Variants in DOP1B observed in about 807,000 individuals in gnomAD.
DOP1B encodes the protein protein DOP1B.
Under a neutral mutation model 233.5 loss-of-function variants are expected in DOP1B, and 174 were observed. The ratio of observed to expected loss-of-function variants is 0.75; its 90% CI spans 0.66 to 0.85. DOP1B has a LOEUF of 0.85. Ranked by LOEUF, DOP1B falls within the 40% of genes least tolerant of loss-of-function variation. The pLI is 0.00. For synonymous variants in DOP1B, 1,190 were observed against 1,185.6 expected (o/e 1.00, Z -0.08); for missense variants, 2,652 against 2,846.6 (o/e 0.93, Z 1.56).
Position 36,277,975 on chromosome 21 carries a change from G to A in DOP1B, c.5713G>A (p.Val1905Ile), listed in dbSNP as rs755009447. The change falls in exon 29 of 37, where the codon GTA (valine) becomes ATA (isoleucine). Residue 1905 changes from valine to isoleucine, a missense_variant and splice_region_variant. Val to Ile is a conservative substitution (Grantham distance 29). Transcript: ENST00000691173. ...SVQALSLLAEVLASLLDMVYR... is the reference protein window; with the variant it reads ...SVQALSLLAEILASLLDMVYR... ...TTTTCTTAGGGCCTTGTTCTTTTAG[G>A]TACTGGCTTCCCTCCTGGACATGGT... is the stretch of plus-strand genomic sequence containing the variant. 1.2e-6 allele frequency: 2 copies of A among 1,613,510 alleles called. No homozygotes were observed. Among genetic ancestry groups the A allele is most frequent in the South Asian group, 1.1e-5 (1 of 91,066 alleles).
chr21:36,227,912 G>A (rs760594178), intron 13 of DOP1B, 35 bp downstream of exon 13: 4 of 1,512,762 alleles, frequency 2.6e-6, no homozygotes, highest in East Asian at 4.6e-5. Context: ...GGTTCTGGGG[G>A]CTAAAAGCAG....
chr21:36,206,728 G>A (rs34991163), intron 4 of DOP1B, among the ~76,000 whole-genome samples: 5,874 of 152,188 alleles, frequency 0.039, 133 homozygotes, highest in South Asian at 0.07. Flanking sequence ...GTGACACCAC[G>A]ATGTGTGCAT....
intron 36 of DOP1B, among the ~76,000 whole-genome samples, chr21:36,292,954 C>G (rs1350619929): frequency 6.6e-6 from 1 of 151,968 alleles, no homozygotes; most frequent in Non-Finnish European, 1.5e-5. Context: ...GGCTGGTAAT[C>G]CCAGCATTTT....
intron 11 of DOP1B, among the ~76,000 whole-genome samples, chr21:36,224,800 C>T (rs576203189): frequency 2.0e-5 from 3 of 151,690 alleles, no homozygotes; most frequent in Non-Finnish European, 2.9e-5. Flanking sequence ...TGGGGTTACA[C>T]TTCTCTACAG....
rs141565237 is a variant in DOP1B, at chr21:36,214,207, G to A, written c.1014+17G>A. ...TTAGTTGAGGTAAAGGAGCATTTCCGGAAAGTTCAGGGTATCCTTGGTGAC... is the reference window on the plus strand; with the variant it reads ...TTAGTTGAGGTAAAGGAGCATTTCCAGAAAGTTCAGGGTATCCTTGGTGAC... On this transcript the variant is annotated intron_variant, in intron 8 of 36. Coordinates refer to ENST00000691173, the MANE Select transcript of DOP1B (RefSeq NM_001320714.2). 4.4e-4 allele frequency: 698 copies of A among 1,589,172 alleles called. 4 individuals are homozygous for A. The African/African-American group carries it at 5.6e-3, about 13-fold the overall frequency.
chr21:36,287,880 TG>T, intron 32 of DOP1B, 133 bp from the exon 33 acceptor site: 1 of 1,149,452 alleles, frequency 8.7e-7, no homozygotes, highest in Non-Finnish European at 1.2e-6. Flanking sequence ...CCACCAAGCC[TG>T]GCCTGTAACA....
At chr21:36,240,810 A>G (rs1472511332) in intron 18 of DOP1B, among the ~76,000 whole-genome samples, 1 of 152,212 alleles carries the variant, frequency 6.6e-6, no homozygotes. Flanking sequence ...TGACTTCACA[A>G]TTTTCTAAGG....
chr21:36,220,214 G>T (rs531683409), intron 10 of DOP1B, among the ~76,000 whole-genome samples: 12 of 152,266 alleles, frequency 7.9e-5, no homozygotes, highest in African/African-American at 2.9e-4. Context: ...TTTGTTAGTT[G>T]TAAGTGTACT....
rs948778274 is a variant in DOP1B, at chr21:36,156,917, G to C, written c.-53G>C. The C allele has an allele frequency of 7.2e-5, 11 of 152,394 alleles. No individual in the cohort carries two copies. Among genetic ancestry groups the C allele is most frequent in the African/African-American group, 2.4e-4 (10 of 41,568 alleles). 9.4% of individuals were successfully genotyped at this position (152,394 alleles called of 1,614,324 possible). On this transcript the variant is annotated 5_prime_UTR_variant, in exon 1 of 37. Transcript: ENST00000691173. Reference sequence around the variant, plus strand: ...GGGCTCCTCCGCGCCGCACGTGAGCGCGCCCGCCAACAGGGCCACTGCCGC... The same window carrying C: ...GGGCTCCTCCGCGCCGCACGTGAGCCCGCCCGCCAACAGGGCCACTGCCGC...
chr21:36,255,928 C>T (rs972208228), intron 23 of DOP1B, among the ~76,000 whole-genome samples: 3 of 152,098 alleles, frequency 2.0e-5, no homozygotes, highest in Non-Finnish European at 4.4e-5. Flanking sequence ...GTCTAGAGAG[C>T]TTCTTCAATT....
Position 36,231,123 on chromosome 21 carries a change from T to A in DOP1B, c.2339T>A (p.Phe780Tyr). ...EETEQLCATL[F>Y]QLPGAGDSSF... ...ACCGAGCAGCTCTGTGCAACGCTCT[T>A]CCAGCTGCCAGGTGAGAGGCAGCCC... Residue 780 changes from phenylalanine to tyrosine, a missense_variant, in exon 14 of 37, where the codon TTC becomes TAC. Phe to Tyr is a conservative substitution (Grantham distance 22). Transcript: ENST00000691173. The A allele has an allele frequency of 1.3e-6, 2 of 1,581,488 alleles. No homozygotes were observed.
chr21:36,184,344 C>T (rs1283106573), intron 2 of DOP1B, among the ~76,000 whole-genome samples: 5 of 152,080 alleles, frequency 3.3e-5, no homozygotes, highest in African/African-American at 9.7e-5. Context: ...CCACCACGCC[C>T]GGCCTAATTT....
rs375360333 is a variant in DOP1B at position 36,277,929 on chromosome 21, G to T, written c.5713-46G>T. ...AGTGCTGGGATTACAGGTGTGAGCC[G>T]TCGCACCTGGCCAGTTTCTGTTTTC... On this transcript the variant is annotated intron_variant, in intron 28 of 36. Coordinates refer to ENST00000691173, the MANE Select transcript of DOP1B (RefSeq NM_001320714.2). 1.4e-5 allele frequency: 21 copies of T among 1,513,292 alleles called. No individual in the cohort carries two copies. In the East Asian group the frequency reaches 4.5e-4, roughly 32 times the overall value. The allele number at this position is 1,513,292 out of a possible 1,614,324, so 93.7% of individuals were successfully genotyped here. A position where few individuals can be genotyped will look rare whatever the true frequency, so the allele number is the denominator to read the frequency against.
Position 36,237,274 on chromosome 21 carries a change from G to A in DOP1B, c.2635G>A (p.Val879Met), listed in dbSNP as rs200643743. The change falls in exon 16 of 37, where the codon GTG (valine) becomes ATG (methionine). Residue 879 changes from valine (V) to methionine (M), a missense_variant. By Grantham distance (21) the Val-to-Met change is conservative. Transcript: ENST00000691173. ...KTDFYQRVAR[V>M]LWNQLNKETR... ...TTCCTTGTCCCAGAGGGTGGCTCGT[G>A]TGCTTTGGAATCAGCTGAACAAAGA... The A allele has an allele frequency of 5.6e-6, 9 of 1,614,160 alleles. No homozygotes were observed. Among genetic ancestry groups the A allele is most frequent in the Middle Eastern group, 1.6e-4 (1 of 6,062 alleles).
chr21:36,255,148 T>A (rs192214058), intron 23 of DOP1B, among the ~76,000 whole-genome samples: 1 of 151,764 alleles, frequency 6.6e-6, no homozygotes, highest in Non-Finnish European at 1.5e-5. Context: ...GTTTAGTTTT[T>A]TCGAGATGAA....
chr21:36,196,615 T>C (rs2066293390), intron 2 of DOP1B, among the ~76,000 whole-genome samples: 1 of 152,020 alleles, frequency 6.6e-6, no homozygotes, highest in Non-Finnish European at 1.5e-5. Flanking sequence ...TCTTCATAAA[T>C]GATGTTTTAA....
chr21:36,230,470 C>T lies in DOP1B; in HGVS notation c.1686C>T (p.Asn562=), dbSNP rs143088335. 339 of 1,610,050 alleles carry T rather than the reference C, an allele frequency of 2.1e-4. No homozygotes were observed. The African/African-American group carries it at 3.2e-3, about 15-fold the overall frequency. ...SGTSSPVKGE[N]GKIILETKAV... The stretch of plus-strand genomic sequence containing the variant: ...TACAGAGTCCAGTAAAAGGTGAAAA[C>T]GGCAAAATAATTTTGGAAACAAAGG... The change falls in exon 14 of 37, where the codon AAC becomes AAT. Residue 562 remains asparagine (N), a synonymous_variant. Transcript: ENST00000691173.
At chr21:36,167,343 T>C (rs2065922078) in intron 2 of DOP1B, among the ~76,000 whole-genome samples, 1 of 152,034 alleles carries the variant, frequency 6.6e-6, no homozygotes, top group Non-Finnish European at 1.5e-5. Flanking sequence ...TGGCTAATTT[T>C]TTTGTATTTG....
chr21:36,276,158 G>T (rs1356271383), intron 27 of DOP1B, among the ~76,000 whole-genome samples: 1 of 152,098 alleles, frequency 6.6e-6, no homozygotes, highest in East Asian at 1.9e-4. Context: ...CAAGAACGAT[G>T]ATGAGAATGG....
Sources: allele counts gnomAD v4.1 joint callset (sites outside exome capture counted in the v4.1 genomes callset), GRCh38; gene constraint gnomAD v4.1.1; transcripts MANE v1.5; gene names NCBI Gene and HGNC (gene_info 2026-07-23, HGNC 2026-07-21).